Variants in KAT2B observed in about 807,000 individuals in gnomAD.
KAT2B encodes the protein lysine acetyltransferase 2B.
KAT2B carries 36 observed loss-of-function variants against 105.9 expected under a neutral mutation model. That is an observed-to-expected ratio of 0.34 (90% confidence interval 0.26 to 0.45). The LOEUF (loss-of-function observed/expected upper bound fraction) is 0.45, where lower values mean the gene tolerates loss of function less well. KAT2B is among the 20% of genes least tolerant of loss of function. The pLI is 1.00. For synonymous variants in KAT2B, 397 were observed against 377.9 expected, an observed-to-expected ratio of 1.05 and a Z score of -0.59; for missense variants, 820 against 1,021.6, an observed-to-expected ratio of 0.80 and a Z score of 2.69.
In KAT2B at chr3:20,072,410, A is replaced by G. The variant is rs768530791; in HGVS notation, c.381A>G (p.Gln127=). 2.5e-6 allele frequency: 4 copies of G among 1,613,872 alleles called. No individual in the cohort carries two copies. The highest frequency in any genetic ancestry group is 3.4e-6 in the Non-Finnish European group (4 of 1,179,782). Residue 127 remains glutamine, a synonymous_variant, in exon 2 of 18, where the codon CAA becomes CAG. Transcript: ENST00000263754. ...CTCCCCCCAGAGCCGACCTGCAGCA[A>G]ATAATTGTCAGTCTAACAGAATCCT... ...SPTPPRADLQ[Q]IIVSLTESCR...
chr3:20,070,519 T>A (rs1310685926), intron 1 of KAT2B, among the ~76,000 whole-genome samples: 1 of 150,612 alleles, frequency 6.6e-6, no homozygotes, highest in African/African-American at 2.4e-5. Context: ...TTAGCCAGGG[T>A]AATCTCGATC....
chr3:20,131,518 C>G (rs1017931939), intron 11 of KAT2B, among the ~76,000 whole-genome samples: 1 of 152,126 alleles, frequency 6.6e-6, no homozygotes, highest in African/African-American at 2.4e-5. Context: ...GTGGCTATAG[C>G]ATATATTACT....
At chr3:20,114,577 T>C (rs767713614) in intron 6 of KAT2B, among the ~76,000 whole-genome samples, 1 of 152,196 alleles carries the variant, frequency 6.6e-6, no homozygotes, top group Non-Finnish European at 1.5e-5. Flanking sequence ...TATGGAGGGC[T>C]GAAATCGTGC....
At chr3:20,152,201 T>C in intron 17 of KAT2B, 131 bp from the exon 18 acceptor site, 1 of 572,920 alleles carries the variant, frequency 1.7e-6, no homozygotes, top group South Asian at 3.0e-5. Context: ...TAAGAATTTC[T>C]CTTAAATAAA....
chr3:20,117,613 T>C (rs961880650), intron 7 of KAT2B, among the ~76,000 whole-genome samples: 4 of 152,218 alleles, frequency 2.6e-5, no homozygotes, highest in African/African-American at 9.6e-5. Context: ...AGAAGTGCTA[T>C]GGGTTGGTAT....
intron 2 of KAT2B, among the ~76,000 whole-genome samples, chr3:20,088,402 C>A (rs1336958203): frequency 6.6e-6 from 1 of 152,178 alleles, no homozygotes; most frequent in Non-Finnish European, 1.5e-5. Context: ...CTTGTCCTCA[C>A]ATTCTTGCCA....
rs568519002 is a variant in KAT2B at position 20,117,177 on chromosome 3, A to C, written c.1150+2189A>C. Among the ~76,000 whole-genome samples, 3 of 152,240 alleles carry C rather than the reference A, an allele frequency of 2.0e-5. No homozygotes were observed. The South Asian group carries it at 6.2e-4, about 32-fold the overall frequency. ...ACATTGTTATCTGTCATAGTACAGG[A>C]TGGAGAAGGAAGAGGTTGTTGCCTG... On this transcript the variant is annotated intron_variant, in intron 7 of 17. Transcript: ENST00000263754.
intron 1 of KAT2B, among the ~76,000 whole-genome samples, chr3:20,059,499 C>T (rs936284742): frequency 6.7e-5 from 10 of 149,030 alleles, no homozygotes; most frequent in Non-Finnish European, 1.5e-4. Flanking sequence ...AGGTGGATCA[C>T]GAGGTCAGGA....
chr3:20,079,482 G>T (rs1388082947), intron 2 of KAT2B, among the ~76,000 whole-genome samples: 1 of 152,110 alleles, frequency 6.6e-6, no homozygotes, highest in African/African-American at 2.4e-5. Context: ...GGGATTACAG[G>T]CGTGAGCCAC....
chr3:20,089,018 T>C (rs1253041650), intron 2 of KAT2B, among the ~76,000 whole-genome samples: 2 of 152,196 alleles, frequency 1.3e-5, no homozygotes, highest in East Asian at 3.8e-4. Flanking sequence ...TTGGCATCTT[T>C]GTTGAAAATC....
chr3:20,102,191 C>T (rs1314404012), intron 5 of KAT2B, among the ~76,000 whole-genome samples: 1 of 152,088 alleles, frequency 6.6e-6, no homozygotes, highest in Non-Finnish European at 1.5e-5. Flanking sequence ...TGTCACGTGA[C>T]TGTAATCCTG....
intron 17 of KAT2B, among the ~76,000 whole-genome samples, chr3:20,149,560 G>C (rs891348982): frequency 1.4e-5 from 2 of 147,094 alleles, no homozygotes; most frequent in Non-Finnish European, 3.0e-5. Flanking sequence ...AGAGTGAAAG[G>C]GACGCATTAG....
At position 20,072,350 on chromosome 3, in the gene KAT2B, A is replaced by G. The variant is rs1448753323; in HGVS notation, c.321A>G (p.Lys107=). The change falls in exon 2 of 18, where the codon AAA becomes AAG. Residue 107 remains lysine, a synonymous_variant. Coordinates refer to ENST00000263754, the MANE Select transcript of KAT2B (RefSeq NM_003884.5). ...YSACKAEESC[K]CNGWKNPNPS... ...ATTTTTAGGCCGAGGAGTCTTGTAA[A>G]TGTAATGGCTGGAAAAACCCTAACC... is the stretch of plus-strand genomic sequence containing the variant. 3 of 1,613,502 alleles carry G rather than the reference A, an allele frequency of 1.9e-6. No individual in the cohort carries two copies. Among genetic ancestry groups the G allele is most frequent in the South Asian group, 1.1e-5 (1 of 91,062 alleles).
Position 20,153,653 on chromosome 3 carries a change from T to A in KAT2B, c.*1128T>A, listed in dbSNP as rs1303881986. 6.6e-6 allele frequency: 1 copy of A among 152,584 alleles called. No individual in the cohort carries two copies. The highest frequency in any genetic ancestry group is 1.5e-5 in the Non-Finnish European group (1 of 67,996). 9.5% of individuals were successfully genotyped at this position (152,584 alleles called of 1,614,324 possible). A position where few individuals can be genotyped will look rare whatever the true frequency, so the allele number is the denominator to read the frequency against. ...TGGGATTCCAGTTTAGTGCTTGGAT[T>A]TATTTCCTGATTACACTACATAGAA... On this transcript the variant is annotated 3_prime_UTR_variant, in exon 18 of 18. Coordinates refer to ENST00000263754, the MANE Select transcript of KAT2B (RefSeq NM_003884.5).
intron 12 of KAT2B, among the ~76,000 whole-genome samples, chr3:20,138,219 TTC>T (rs1474904465): frequency 1.3e-5 from 2 of 152,194 alleles, no homozygotes; most frequent in Middle Eastern, 3.2e-3. Flanking sequence ...TTAAAATTTT[TTC>T]TGTTATTTTT....
intron 1 of KAT2B, among the ~76,000 whole-genome samples, chr3:20,067,520 T>C (rs1195201372): frequency 6.6e-6 from 1 of 152,174 alleles, no homozygotes; most frequent in Non-Finnish European, 1.5e-5. Flanking sequence ...ACAATGAAGT[T>C]AAGATCTATA....
At chr3:20,054,496 C>T (rs949818370) in intron 1 of KAT2B, among the ~76,000 whole-genome samples, 2 of 152,132 alleles carry the variant, frequency 1.3e-5, no homozygotes, top group Non-Finnish European at 2.9e-5. Flanking sequence ...CACCTAATAT[C>T]AGGAGGAGGT....
At chr3:20,149,086 G>A (rs1240870899) in intron 17 of KAT2B, 1 of 152,152 alleles carries the variant, frequency 6.6e-6, no homozygotes, top group Non-Finnish European at 1.5e-5. Flanking sequence ...GTAGAATTGT[G>A]CAGTTTGGTG....
intron 2 of KAT2B, among the ~76,000 whole-genome samples, chr3:20,077,016 T>C (rs758748350): frequency 1.3e-5 from 2 of 152,240 alleles, no homozygotes; most frequent in Non-Finnish European, 1.5e-5. Flanking sequence ...CAGCCATATA[T>C]GTTCTTTGGA....
Sources: allele counts gnomAD v4.1 joint callset (sites outside exome capture counted in the v4.1 genomes callset), GRCh38; gene constraint gnomAD v4.1.1; transcripts MANE v1.5; gene names NCBI Gene and HGNC (gene_info 2026-07-23, HGNC 2026-07-21).